Variants in CSAD observed in about 807,000 individuals in gnomAD.
CSAD encodes the protein cysteine sulfinic acid decarboxylase.
Under a neutral mutation model 61.5 loss-of-function variants are expected in CSAD, and 47 were observed. The observed-to-expected ratio is 0.76, with a 90% confidence interval of 0.60 to 0.97. The LOEUF is 0.97. CSAD is among the 50% of genes least tolerant of loss of function. CSAD has a pLI of 0.00. For synonymous variants in CSAD, 245 were observed against 252.7 expected, an observed-to-expected ratio of 0.97 and a Z score of 0.29; for missense variants, 611 against 643.6, an observed-to-expected ratio of 0.95 and a Z score of 0.55.
rs970563531 is a variant in CSAD at position 53,177,303 on chromosome 12, G to A, written c.-50+1799C>T. Among the ~76,000 whole-genome samples the A allele has an allele frequency of 2.0e-5, 3 of 152,136 alleles. No individual in the cohort carries two copies. The East Asian group carries it at 5.8e-4, about 29-fold the overall frequency. ...GCTTGTTCCTAGCAAAGACAGAAAT[G>A]TTTCAAATATTTTCCCATAAAGCAT... On this transcript the variant is annotated intron_variant, in intron 2 of 16. Transcript: ENST00000444623.
chr12:53,160,557 CCAACTT>C (rs1314194833), intron 13 of CSAD, among the ~76,000 whole-genome samples, 200 bp downstream of exon 13: 1 of 152,136 alleles, frequency 6.6e-6, no homozygotes, highest in Non-Finnish European at 1.5e-5. Context: ...ACCTCTGACT[CCAACTT>C]CAAGCTGGAA....
Position 53,159,707 on chromosome 12 carries a change from C to T in CSAD, c.1224G>A (p.Glu408=), listed in dbSNP as rs748224920. Residue 408 remains glutamate, a synonymous_variant, in exon 16 of 17, where the codon GAG becomes GAA. Transcript: ENST00000444623. ...REGFELVMEP[E]FVNVCFWFVP... is the part of the protein sequence containing the mutation. Reference sequence around the variant, plus strand: ...CGAACCAGAAACACACATTGACAAACTCAGGCTGAGAGGAATGAGAAAGAG... The same window carrying T: ...CGAACCAGAAACACACATTGACAAATTCAGGCTGAGAGGAATGAGAAAGAG... 2 of 1,608,734 alleles carry T rather than the reference C, an allele frequency of 1.2e-6. No individual in the cohort carries two copies. The highest frequency in any genetic ancestry group is 1.1e-5 in the South Asian group (1 of 89,904).
At position 53,158,438 on chromosome 12, in the gene CSAD, A is replaced by T; in HGVS notation, c.*73T>A. On this transcript the variant is annotated 3_prime_UTR_variant, in exon 17 of 17. Transcript: ENST00000444623. ...GGCGTGAGCCACTGCACCCGGCCTC[A>T]AAGGCTGGGAGGGAATGCAGTGACT... 1 of 1,504,278 alleles carries T rather than the reference A, an allele frequency of 6.6e-7. No homozygotes were observed. The highest frequency in any genetic ancestry group is 1.4e-5 in the African/African-American group (1 of 72,180). 93.2% of individuals were successfully genotyped at this position (1,504,278 alleles called of 1,614,324 possible).
At chr12:53,179,947 G>T in intron 1 of CSAD, 1 of 1,570,388 alleles carries the variant, frequency 6.4e-7, no homozygotes, top group Non-Finnish European at 8.6e-7. Flanking sequence ...ACTCCCATAA[G>T]ACTAGTCTAC....
Position 53,172,659 on chromosome 12 carries a change from A to G in CSAD, c.127-11T>C, listed in dbSNP as rs753737861. The G allele has an allele frequency of 5.0e-6, 8 of 1,601,472 alleles. No individual in the cohort carries two copies. The African/African-American group carries it at 9.4e-5, about 19-fold the overall frequency. The stretch of plus-strand genomic sequence containing the variant: ...CTTCCACTCACAGACCTAGGAAGAG[A>G]GCCGGGGATGCTGGGGGCCTGGGAT... On this transcript the variant is annotated splice_polypyrimidine_tract_variant and intron_variant, in intron 4 of 16. Transcript: ENST00000444623.
chr12:53,160,433 T>C, intron 13 of CSAD, 114 bp from the exon 14 acceptor site: 1 of 1,075,324 alleles, frequency 9.3e-7, no homozygotes, highest in Non-Finnish European at 1.4e-6. Flanking sequence ...TGGAGCCAGA[T>C]GGCACTGCTG....
At chr12:53,179,585 C>G in intron 1 of CSAD, 1 of 524,774 alleles carries the variant, frequency 1.9e-6, no homozygotes, top group Non-Finnish European at 3.4e-6. Flanking sequence ...CATTTTGTCT[C>G]TATTTTAGAA....
intron 10 of CSAD, 89 bp from the exon 11 acceptor site, chr12:53,161,478 C>T: frequency 9.3e-7 from 1 of 1,077,196 alleles, no homozygotes; most frequent in Non-Finnish European, 1.4e-6. Flanking sequence ...AAGCTCTTTG[C>T]ATGCCTAAAA....
At chr12:53,174,905 C>G (rs1244217825) in intron 2 of CSAD, among the ~76,000 whole-genome samples, 1 of 152,158 alleles carries the variant, frequency 6.6e-6, no homozygotes, top group Non-Finnish European at 1.5e-5. Context: ...ACTCCTCAAT[C>G]CACTGTTATC....
rs1259399052 is a variant in CSAD, at chr12:53,159,737, G to T, written c.1219-25C>A. ...GCTGAGAGGAATGAGAAAGAGGAAG[G>T]TGTGAGCTGAGAAAGGGGGACCGTT... On this transcript the variant is annotated intron_variant, in intron 15 of 16. Transcript: ENST00000444623. 1.9e-6 allele frequency: 3 copies of T among 1,589,042 alleles called. No individual in the cohort carries two copies. The Admixed American group carries it at 5.3e-5, about 28-fold the overall frequency.
intron 14 of CSAD, 85 bp downstream of exon 14, chr12:53,160,035 A>T: frequency 6.2e-7 from 1 of 1,603,188 alleles, no homozygotes; most frequent in Admixed American, 1.7e-5. Flanking sequence ...GACCGAGAGA[A>T]AAGTAATCCC....
At chr12:53,179,490 G>A (rs1941388833) in intron 1 of CSAD, 1 of 425,770 alleles carries the variant, frequency 2.3e-6, no homozygotes, top group Non-Finnish European at 4.2e-6. Flanking sequence ...GCGTTGTGTC[G>A]ATTTGTAAAA....
chr12:53,180,099 G>C, intron 1 of CSAD: 6 of 1,366,746 alleles, frequency 4.4e-6, no homozygotes, highest in Non-Finnish European at 5.6e-6. Context: ...ACTTCTGCAG[G>C]GAGGTGAGCA....
At position 53,170,141 on chromosome 12, in the gene CSAD, G is replaced by A. The variant is rs778008516; in HGVS notation, c.648-15C>T. ...CCATTTTCCCTCTGAAAAAGAAAAT[G>A]CAGAGGGTAGAGCAGGGACAGGTTC... On this transcript the variant is annotated splice_polypyrimidine_tract_variant and intron_variant, in intron 9 of 16. Coordinates refer to ENST00000444623, the MANE Select transcript of CSAD (RefSeq NM_001244705.2). 1.6e-5 allele frequency: 26 copies of A among 1,612,322 alleles called. No individual in the cohort carries two copies. Among genetic ancestry groups the A allele is most frequent in the Middle Eastern group, 1.6e-4 (1 of 6,082 alleles).
chr12:53,173,753 A>AG lies in CSAD; in HGVS notation c.-33dup. 1 of 1,613,152 alleles carries AG rather than the reference A, an allele frequency of 6.2e-7. No homozygotes were observed. The highest frequency in any genetic ancestry group is 8.5e-7 in the Non-Finnish European group (1 of 1,179,276). On this transcript the variant is annotated 5_prime_UTR_variant, in exon 3 of 17. Transcript: ENST00000444623. ...CTCTCTGCTCAGGAGAGCCGGAGGC[A>AG]GGGTGCACAGGTAGCTCCTCAGGAC...
chr12:53,172,036 C>G (rs1940646793), intron 6 of CSAD, 48 bp from the exon 7 acceptor site: 1 of 1,369,308 alleles, frequency 7.3e-7, no homozygotes, highest in East Asian at 2.3e-5. Context: ...GAGGGACTGC[C>G]CAGACAGGCC....
At chr12:53,161,502 C>T in intron 10 of CSAD, 113 bp from the exon 11 acceptor site, 1 of 777,318 alleles carries the variant, frequency 1.3e-6, no homozygotes, top group Admixed American at 2.2e-5. Context: ...CCCATTTCAA[C>T]CTCACAACAA....
rs1190494571 is a variant in CSAD, at chr12:53,157,699, C to T, written c.*812G>A. On this transcript the variant is annotated 3_prime_UTR_variant, in exon 17 of 17. Coordinates refer to ENST00000444623, the MANE Select transcript of CSAD (RefSeq NM_001244705.2). ...TTTTAACTTTATTATTTTCCTATTA[C>T]AAAAGCAACACATATTCATTACATA... 6.6e-6 allele frequency: 1 copy of T among 152,088 alleles called. No individual in the cohort carries two copies. The highest frequency in any genetic ancestry group is 1.9e-4 in the East Asian group (1 of 5,198). The allele number at this position is 152,088 out of a possible 1,614,324, so 9.4% of individuals were successfully genotyped here.
At chr12:53,163,641 C>T (rs1346176179) in intron 10 of CSAD, among the ~76,000 whole-genome samples, 1 of 152,072 alleles carries the variant, frequency 6.6e-6, no homozygotes, top group African/African-American at 2.4e-5. Context: ...ACTCTGAAAA[C>T]TACAAAACAC....
Sources: gnomAD v4.1 joint callset for allele counts (sites outside exome capture counted in the v4.1 genomes callset) on GRCh38, gnomAD v4.1.1 for gene constraint, MANE v1.5 for transcripts, NCBI Gene and HGNC (gene_info 2026-07-23, HGNC 2026-07-21) for gene names.